The following HMGA2 variants were observed in gnomAD, a reference collection of about 807,000 sequenced individuals.
HMGA2 encodes high mobility group AT-hook 2, also known as high mobility group protein HMGI-C.
HMGA2 carries 8 observed loss-of-function variants against 19.1 expected under a neutral mutation model. That is an observed-to-expected ratio of 0.42 (90% CI 0.25 to 0.76). The LOEUF (loss-of-function observed/expected upper bound fraction) is 0.76, where lower values mean the gene tolerates loss of function less well. Ranked by LOEUF, HMGA2 falls within the 30% of genes least tolerant of loss-of-function variation. The pLI, the probability that HMGA2 is intolerant of heterozygous loss-of-function variation, is 0.28. For synonymous variants in HMGA2, 60 were observed against 48.8 expected (o/e 1.23, Z -0.96); for missense variants, 109 against 136.3 (o/e 0.80, Z 1.00).
At chr12:65,930,091 T>C (rs2121263962) in intron 3 of HMGA2, among the ~76,000 whole-genome samples, 1 of 152,318 alleles carries the variant, frequency 6.6e-6, no homozygotes, top group South Asian at 2.1e-4. Context: ...CCCAGTATAG[T>C]TGAATGCTTA....
chr12:65,881,891 G>A (rs1271780637), intron 3 of HMGA2: 2 of 702,556 alleles, frequency 2.8e-6, no homozygotes, highest in South Asian at 1.5e-5. Context: ...GAGAGCCCCG[G>A]TAGGTCCCGG....
intron 3 of HMGA2, among the ~76,000 whole-genome samples, chr12:65,900,870 C>T (rs1350695193): frequency 2.0e-5 from 3 of 151,840 alleles, no homozygotes; most frequent in African/African-American, 4.8e-5. Flanking sequence ...TAAACATAGC[C>T]CTTACTAAAA....
At chr12:65,957,817 G>A (rs999987862) in intron 4 of HMGA2, 2 of 152,306 alleles carry the variant, frequency 1.3e-5, no homozygotes, top group Middle Eastern at 3.4e-3. Context: ...CTACAGACAA[G>A]AAAAGCAGGA....
intron 3 of HMGA2, among the ~76,000 whole-genome samples, chr12:65,884,374 A>G (rs1873571317): frequency 6.6e-6 from 1 of 152,198 alleles, no homozygotes; most frequent in South Asian, 2.1e-4. Context: ...CAGAAATGCA[A>G]AACAGTTCTG....
At chr12:65,837,967 T>C (rs1461413098) in intron 2 of HMGA2, among the ~76,000 whole-genome samples, 1 of 152,148 alleles carries the variant, frequency 6.6e-6, no homozygotes, top group Non-Finnish European at 1.5e-5. Flanking sequence ...CATGTAGAAG[T>C]GTGCAAATAT....
At position 65,927,102 on chromosome 12, in the gene HMGA2, C is replaced by T. The variant is rs530966140; in HGVS notation, c.250-24281C>T. ...CTTTCAACACACGGGAGTTTTATCA[C>T]TCATTTTAAACGCACAACTTAACAC... On this transcript the variant is annotated intron_variant, in intron 3 of 4. Coordinates refer to ENST00000403681, the MANE Select transcript of HMGA2 (RefSeq NM_003483.6). 2.0e-5 allele frequency among the ~76,000 whole-genome samples: 3 copies of T among 152,274 alleles called. No individual in the cohort carries two copies. In the South Asian group the frequency reaches 6.2e-4, roughly 32 times the overall value.
intron 3 of HMGA2, among the ~76,000 whole-genome samples, chr12:65,884,408 G>A (rs1474513699): frequency 6.6e-6 from 1 of 152,144 alleles, no homozygotes; most frequent in Non-Finnish European, 1.5e-5. Context: ...CAGACACTCA[G>A]CCTGTATTTG....
At chr12:65,826,189 C>G (rs933945700) in intron 1 of HMGA2, 1 of 152,618 alleles carries the variant, frequency 6.6e-6, no homozygotes, top group African/African-American at 2.4e-5. Context: ...CGCCTCAGAG[C>G]TGCAGCCATT....
intron 3 of HMGA2, among the ~76,000 whole-genome samples, chr12:65,863,564 T>C (rs780253103): frequency 7.1e-6 from 1 of 140,426 alleles, no homozygotes; most frequent in Non-Finnish European, 1.7e-5. Flanking sequence ...CAAGGATCAT[T>C]AGATTTCAAA....
intron 3 of HMGA2, among the ~76,000 whole-genome samples, chr12:65,877,729 C>CA (rs1448790184): frequency 6.6e-6 from 1 of 151,678 alleles, no homozygotes; most frequent in Non-Finnish European, 1.5e-5. Flanking sequence ...ACTGGTTATA[C>CA]ATAGGGTATT....
At chr12:65,852,239 A>C (rs1871511810) in intron 3 of HMGA2, among the ~76,000 whole-genome samples, 1 of 152,200 alleles carries the variant, frequency 6.6e-6, no homozygotes, top group Non-Finnish European at 1.5e-5. Context: ...GCTCACGCCT[A>C]CAATCCCAGC....
chr12:65,836,336 G>C (rs1870723050), intron 2 of HMGA2, among the ~76,000 whole-genome samples: 3 of 151,372 alleles, frequency 2.0e-5, no homozygotes, highest in Admixed American at 2.0e-4. Flanking sequence ...TCCAGCCTGG[G>C]CGACAGAGCG....
At chr12:65,925,269 G>A (rs773212825) in intron 3 of HMGA2, among the ~76,000 whole-genome samples, 6 of 151,990 alleles carry the variant, frequency 3.9e-5, no homozygotes, top group Admixed American at 6.6e-5. Context: ...TCTTTTGTTC[G>A]CTCAAACGTG....
chr12:65,947,826 G>A (rs1876319559), intron 3 of HMGA2, among the ~76,000 whole-genome samples: 1 of 152,166 alleles, frequency 6.6e-6, no homozygotes, highest in Non-Finnish European at 1.5e-5. Flanking sequence ...AGTGAGGTGA[G>A]GCAGCTGGAC....
At chr12:65,862,135 A>C (rs1173402090) in intron 3 of HMGA2, among the ~76,000 whole-genome samples, 3 of 152,104 alleles carry the variant, frequency 2.0e-5, no homozygotes, top group Non-Finnish European at 2.9e-5. Context: ...GTGAGCCACC[A>C]CGCCTGGCTG....
intron 3 of HMGA2, among the ~76,000 whole-genome samples, chr12:65,950,629 A>T (rs1345341057): frequency 6.6e-6 from 1 of 152,220 alleles, no homozygotes; most frequent in Non-Finnish European, 1.5e-5. Flanking sequence ...AAGTGTTCTA[A>T]ATTAGACTGT....
At chr12:65,841,434 T>C (rs1870991231) in intron 3 of HMGA2, among the ~76,000 whole-genome samples, 1 of 152,256 alleles carries the variant, frequency 6.6e-6, no homozygotes. Flanking sequence ...TTGTATATTT[T>C]TTCTAGACAG....
chr12:65,879,232 G>A (rs926257400), intron 3 of HMGA2, among the ~76,000 whole-genome samples: 2 of 152,040 alleles, frequency 1.3e-5, no homozygotes, highest in Admixed American at 1.3e-4. Flanking sequence ...GGCTCTGGTG[G>A]TCCTCCCTTC....
chr12:65,896,955 T>C (rs528252239), intron 3 of HMGA2, among the ~76,000 whole-genome samples: 3 of 152,326 alleles, frequency 2.0e-5, no homozygotes, highest in African/African-American at 7.2e-5. Context: ...CCAGACTGAA[T>C]GGGGTAACTC....
Sources: gnomAD v4.1 joint callset for allele counts (sites outside exome capture counted in the v4.1 genomes callset) on GRCh38, gnomAD v4.1.1 for gene constraint, MANE v1.5 for transcripts, NCBI Gene and HGNC (gene_info 2026-07-23, HGNC 2026-07-21) for gene names.